SLC35F3: variants seen among roughly 807,000 people sequenced by gnomAD.
The protein encoded by SLC35F3 is solute carrier family 35 member F3.
Under a neutral mutation model 49.9 loss-of-function variants are expected in SLC35F3, and 25 were observed. That is an observed-to-expected ratio of 0.50 (90% CI 0.37 to 0.70). The LOEUF is 0.70. Among genes scored for constraint, SLC35F3 ranks in the 30% least tolerant of loss-of-function variants. The pLI is 0.00. For missense variants in SLC35F3, 525 were observed against 639.8 expected (o/e 0.82, Z 1.94); for synonymous variants, 275 against 265.4 (o/e 1.04, Z -0.35).
At chr1:234,033,423 C>A (rs924131639) in intron 2 of SLC35F3, among the ~76,000 whole-genome samples, 1 of 151,942 alleles carries the variant, frequency 6.6e-6, no homozygotes, top group Non-Finnish European at 1.5e-5. Context: ...GTAATGAATT[C>A]TTTGCCTAAG....
chr1:234,319,301 G>A (rs557565997), intron 6 of SLC35F3, among the ~76,000 whole-genome samples: 2 of 151,140 alleles, frequency 1.3e-5, no homozygotes, highest in African/African-American at 4.9e-5. Context: ...AAATACTATA[G>A]ATTATCATTA....
intron 7 of SLC35F3, among the ~76,000 whole-genome samples, chr1:234,322,168 T>G (rs1025577355): frequency 6.6e-6 from 1 of 150,908 alleles, no homozygotes; most frequent in African/African-American, 2.4e-5. Context: ...CACTCCAGCT[T>G]GTGTGACAGA....
At chr1:234,034,452 C>T (rs998630624) in intron 2 of SLC35F3, among the ~76,000 whole-genome samples, 6 of 152,152 alleles carry the variant, frequency 3.9e-5, no homozygotes, top group Non-Finnish European at 8.8e-5. Flanking sequence ...CAACTTTTCC[C>T]CATTCAGTAT....
In SLC35F3 at chr1:234,324,261, T is replaced by G. The variant is rs1657702006; in HGVS notation, c.*1018T>G. On this transcript the variant is annotated 3_prime_UTR_variant, in exon 8 of 8. Transcript: ENST00000366618. Reference sequence around the variant, plus strand: ...ACACAATTTAGGTCTGCCAGAAAATTCTATCTGTGATAGATCTGTAAAGAG... The same window carrying G: ...ACACAATTTAGGTCTGCCAGAAAATGCTATCTGTGATAGATCTGTAAAGAG... The G allele has an allele frequency of 6.6e-6, 1 of 152,246 alleles. No individual in the cohort carries two copies. The highest frequency in any genetic ancestry group is 2.4e-5 in the African/African-American group (1 of 41,462). The allele number at this position is 152,246 out of a possible 1,614,324, so 9.4% of individuals were successfully genotyped here. A position where few individuals can be genotyped will look rare whatever the true frequency, so the allele number is the denominator to read the frequency against.
At chr1:233,928,722 A>C (rs1422152199) in intron 2 of SLC35F3, among the ~76,000 whole-genome samples, 2 of 152,182 alleles carry the variant, frequency 1.3e-5, no homozygotes, top group East Asian at 3.8e-4. Context: ...GAATCTTATG[A>C]AAGGGGTTCA....
At chr1:234,036,474 A>G (rs897062850) in intron 2 of SLC35F3, among the ~76,000 whole-genome samples, 1 of 152,226 alleles carries the variant, frequency 6.6e-6, no homozygotes, top group African/African-American at 2.4e-5. Context: ...CATGGAGAGA[A>G]GTGGCCTGAC....
intron 2 of SLC35F3, among the ~76,000 whole-genome samples, chr1:234,088,267 G>A (rs970183608): frequency 1.3e-5 from 2 of 152,190 alleles, no homozygotes; most frequent in Non-Finnish European, 2.9e-5. Context: ...CAGTACAGTG[G>A]CGCGATCTCG....
intron 2 of SLC35F3, among the ~76,000 whole-genome samples, chr1:234,168,231 C>T (rs1666347289): frequency 6.6e-6 from 1 of 152,244 alleles, no homozygotes; most frequent in South Asian, 2.1e-4. Flanking sequence ...CAGATGCTGT[C>T]TGAAGGCTCC....
chr1:234,259,402 A>G (rs1667867481), intron 3 of SLC35F3, among the ~76,000 whole-genome samples: 1 of 152,174 alleles, frequency 6.6e-6, no homozygotes, highest in Admixed American at 6.5e-5. Context: ...TTCAATCCAG[A>G]CGGCCACACA....
At chr1:234,092,225 G>A (rs188235264) in intron 2 of SLC35F3, among the ~76,000 whole-genome samples, 143 of 152,256 alleles carry the variant, frequency 9.4e-4, no homozygotes, top group African/African-American at 3.3e-3. Flanking sequence ...TCTCTGTCTG[G>A]CTTTATTATC....
chr1:234,123,733 A>G (rs893047971), intron 2 of SLC35F3, among the ~76,000 whole-genome samples: 2 of 152,074 alleles, frequency 1.3e-5, no homozygotes, highest in Admixed American at 1.3e-4. Flanking sequence ...TTGATTTCTA[A>G]TCCAACACTT....
chr1:233,941,954 GT>G (rs141578626), intron 2 of SLC35F3, among the ~76,000 whole-genome samples: 3 of 120,176 alleles, frequency 2.5e-5, no homozygotes, highest in Admixed American at 8.5e-5. Context: ...GTTGTTTTTT[GT>G]TTTTTTGTTT....
At chr1:234,105,026 G>T (rs1192931583) in intron 2 of SLC35F3, among the ~76,000 whole-genome samples, 2 of 151,976 alleles carry the variant, frequency 1.3e-5, no homozygotes, top group Non-Finnish European at 2.9e-5. Context: ...TACTCTGGAG[G>T]CTGAGGCAGG....
chr1:233,905,476 T>TC, intron 1 of SLC35F3, 53 bp from the exon 2 acceptor site: 1 of 1,342,480 alleles, frequency 7.4e-7, no homozygotes, highest in Non-Finnish European at 1.0e-6. Context: ...TCCCCTCCTC[T>TC]CTGTCCATGC....
Position 234,136,268 on chromosome 1 carries a change from T to TTCTC in SLC35F3, c.284-95143_284-95140dup, listed in dbSNP as rs1053391269. Among the ~76,000 whole-genome samples, 3 of 151,948 alleles carry TTCTC rather than the reference T, an allele frequency of 2.0e-5. No homozygotes were observed. The South Asian group carries it at 6.3e-4, about 32-fold the overall frequency. ...TTTCTCTTTCTTTTTCTGTCTTTCTTTCTCTCTCTTTCTCTCTTCTTTATT... is the reference window on the plus strand; with the variant it reads ...TTTCTCTTTCTTTTTCTGTCTTTCTTTCTCTCTCTCTCTTTCTCTCTTCTTTATT... On this transcript the variant is annotated intron_variant, in intron 2 of 7. Coordinates refer to ENST00000366618, the MANE Select transcript of SLC35F3 (RefSeq NM_173508.4).
intron 2 of SLC35F3, among the ~76,000 whole-genome samples, chr1:234,176,301 T>C (rs1172891190): frequency 6.6e-6 from 1 of 152,178 alleles, no homozygotes; most frequent in African/African-American, 2.4e-5. Context: ...TTAAGGCAGT[T>C]AATTTTGGGG....
At chr1:234,016,102 T>C (rs1163752342) in intron 2 of SLC35F3, among the ~76,000 whole-genome samples, 1 of 152,216 alleles carries the variant, frequency 6.6e-6, no homozygotes, top group Non-Finnish European at 1.5e-5. Flanking sequence ...CAGTGAAATA[T>C]CACATCACAC....
intron 3 of SLC35F3, among the ~76,000 whole-genome samples, chr1:234,276,564 C>G (rs1475022922): frequency 6.6e-6 from 1 of 152,164 alleles, no homozygotes; most frequent in East Asian, 1.9e-4. Flanking sequence ...GGAGCTGTGT[C>G]CTGTTGATCC....
intron 3 of SLC35F3, among the ~76,000 whole-genome samples, chr1:234,232,713 C>G (rs937955442): frequency 9.2e-5 from 14 of 151,954 alleles, no homozygotes; most frequent in Admixed American, 7.2e-4. Context: ...CACATAACCC[C>G]ATAAGATTGC....
Sources: allele counts gnomAD v4.1 joint callset (sites outside exome capture counted in the v4.1 genomes callset), GRCh38; gene constraint gnomAD v4.1.1; transcripts MANE v1.5; gene names NCBI Gene and HGNC (gene_info 2026-07-23, HGNC 2026-07-21).